Variants in CHLSN observed in about 807,000 individuals in gnomAD.
CHLSN encodes the protein protein cholesin.
chr7:1,053,806 A>G, the CHLSN span, among the ~76,000 whole-genome samples: 1,182 of 152,276 alleles, frequency 7.8e-3, 13 homozygotes, highest in African/African-American at 0.027. Flanking sequence ...CAGCCTGGGC[A>G]ACAGAGCGAG....
At chr7:1,121,451 G>A in the CHLSN span, among the ~76,000 whole-genome samples, 40 of 152,324 alleles carry the variant, frequency 2.6e-4, no homozygotes, top group Non-Finnish European at 4.3e-4. Context: ...AAGTATTTTG[G>A]ATCAGAGCAA....
At chr7:1,002,175 G>A in the CHLSN span, among the ~76,000 whole-genome samples, 3 of 134,054 alleles carry the variant, frequency 2.2e-5, no homozygotes, top group Non-Finnish European at 4.8e-5. Flanking sequence ...AGTCCTGCAG[G>A]TGGGGAGTCC....
At chr7:1,094,801 C>G in the CHLSN span, among the ~76,000 whole-genome samples, 2 of 152,172 alleles carry the variant, frequency 1.3e-5, no homozygotes, top group Admixed American at 6.5e-5. Flanking sequence ...CTGGGTCTCT[C>G]AGGCAGGTGG....
At chr7:994,044 G>C in the CHLSN span, among the ~76,000 whole-genome samples, 1 of 152,228 alleles carries the variant, frequency 6.6e-6, no homozygotes, top group Non-Finnish European at 1.5e-5. Flanking sequence ...ATGTCAGGGA[G>C]GGCCCTTTGG....
At chr7:1,073,341 C>A in the CHLSN span, among the ~76,000 whole-genome samples, 1 of 152,138 alleles carries the variant, frequency 6.6e-6, no homozygotes, top group East Asian at 1.9e-4. Flanking sequence ...GCATTCCACT[C>A]CCGTTTCGGA....
the CHLSN span, among the ~76,000 whole-genome samples, chr7:1,077,103 A>C: frequency 6.6e-6 from 1 of 152,128 alleles, no homozygotes; most frequent in African/African-American, 2.4e-5. Context: ...TGGGCTTACA[A>C]AGGCCTGAGC....
the CHLSN span, among the ~76,000 whole-genome samples, chr7:1,014,830 G>T: frequency 7.7e-6 from 1 of 129,536 alleles, no homozygotes; most frequent in African/African-American, 3.5e-5. Context: ...GTTCCGGTTG[G>T]TGTCACCCTG....
At chr7:986,611 G>A in the CHLSN span, 1 of 1,612,340 alleles carries the variant, frequency 6.2e-7, no homozygotes, top group Non-Finnish European at 8.5e-7. Flanking sequence ...CGCTCCTCCT[G>A]CCTCCTGCCC....
chr7:1,038,934 G>A, the CHLSN span, among the ~76,000 whole-genome samples: 1 of 68,488 alleles, frequency 1.5e-5, no homozygotes, highest in Non-Finnish European at 3.1e-5. Context: ...GGTGAGGGGC[G>A]CCTCTGCCCG....
chr7:1,102,229 A>G, the CHLSN span, among the ~76,000 whole-genome samples: 1 of 152,264 alleles, frequency 6.6e-6, no homozygotes, highest in Non-Finnish European at 1.5e-5. Context: ...AGCCAACCGC[A>G]TTATTCAGAG....
At chr7:1,117,210 C>G in the CHLSN span, among the ~76,000 whole-genome samples, 3 of 32,494 alleles carry the variant, frequency 9.2e-5, no homozygotes, top group East Asian at 1.5e-3. Context: ...TACGGACCGG[C>G]TTCCATCACC....
At chr7:1,003,458 C>A in the CHLSN span, among the ~76,000 whole-genome samples, 46 of 29,172 alleles carry the variant, frequency 1.6e-3, 1 homozygote, top group African/African-American at 7.8e-3. Context: ...GGGAGTCCTG[C>A]GGGTGAGTGG....
the CHLSN span, among the ~76,000 whole-genome samples, chr7:1,067,861 G>T: frequency 0.2 from 24,032 of 121,142 alleles, 1,495 homozygotes; most frequent in Non-Finnish European, 0.21. Flanking sequence ...GCACCCCAGA[G>T]GTGAGGGTTT....
chr7:1,113,083 C>G, the CHLSN span, among the ~76,000 whole-genome samples: 5,126 of 152,232 alleles, frequency 0.034, 282 homozygotes, highest in African/African-American at 0.12. Context: ...AGCTATGCAC[C>G]TGGAAAAACT....
chr7:1,007,362 CT>C, the CHLSN span, among the ~76,000 whole-genome samples: 9 of 152,238 alleles, frequency 5.9e-5, no homozygotes, highest in African/African-American at 1.9e-4. Flanking sequence ...ACCGCTGCCC[CT>C]GGGCTGGGGG....
At chr7:1,065,693 C>T in the CHLSN span, among the ~76,000 whole-genome samples, 1 of 152,210 alleles carries the variant, frequency 6.6e-6, no homozygotes, top group Non-Finnish European at 1.5e-5. Flanking sequence ...GGCGGTCTCC[C>T]TTGCCGGGGT....
At chr7:1,044,459 G>C in the CHLSN span, 1 of 136,410 alleles carries the variant, frequency 7.3e-6, no homozygotes, top group Non-Finnish European at 1.6e-5. Flanking sequence ...CGCGAGGGCG[G>C]GGCCGGGGGG....
the CHLSN span, among the ~76,000 whole-genome samples, chr7:1,046,761 C>G: frequency 6.6e-6 from 1 of 152,314 alleles, no homozygotes; most frequent in South Asian, 2.1e-4. Flanking sequence ...CACCCAGGTC[C>G]CTTCCTGCAA....
At chr7:1,117,930 C>G in the CHLSN span, among the ~76,000 whole-genome samples, 10 of 152,286 alleles carry the variant, frequency 6.6e-5, no homozygotes, top group Non-Finnish European at 2.9e-5. Flanking sequence ...CACCTCGGCC[C>G]CCCTAGAAGC....
Sources: allele counts gnomAD v4.1 joint callset (sites outside exome capture counted in the v4.1 genomes callset), GRCh38; gene constraint gnomAD v4.1.1; transcripts MANE v1.5; gene names NCBI Gene and HGNC (gene_info 2026-07-23, HGNC 2026-07-21).